The following FGF14 variants were observed in gnomAD, a reference collection of about 807,000 sequenced individuals.
FGF14 encodes fibroblast growth factor homologous factor 4.
Under a neutral mutation model 25.5 loss-of-function variants are expected in FGF14, and 5 were observed. The observed-to-expected ratio is 0.20, with a 90% CI of 0.10 to 0.41. The LOEUF (loss-of-function observed/expected upper bound fraction) is 0.41, where lower values mean the gene tolerates loss of function less well. Ranked by LOEUF, FGF14 falls within the 10% of genes least tolerant of loss-of-function variation. The pLI is 1.00. For missense variants in FGF14, 222 were observed against 320.1 expected, an observed-to-expected ratio of 0.69 and a Z score of 2.34; for synonymous variants, 138 against 118.3, an observed-to-expected ratio of 1.17 and a Z score of -1.08.
intron 1 of FGF14, among the ~76,000 whole-genome samples, chr13:102,029,127 T>G (rs1022498825): frequency 3.3e-5 from 5 of 152,046 alleles, no homozygotes; most frequent in African/African-American, 1.2e-4. Context: ...CAAAATCAAC[T>G]AACGAGCACT....
chr13:102,387,499 T>C (rs1173218706), intron 1 of FGF14, among the ~76,000 whole-genome samples: 1 of 152,198 alleles, frequency 6.6e-6, no homozygotes, highest in Admixed American at 6.5e-5. Flanking sequence ...AAAAAGTCCT[T>C]ATATCCAAAT....
intron 3 of FGF14, among the ~76,000 whole-genome samples, chr13:101,793,306 T>C (rs1337835889): frequency 6.6e-6 from 1 of 152,136 alleles, no homozygotes. Flanking sequence ...AAAGGAAAAC[T>C]TTTCTGTATG....
At chr13:101,864,379 C>T (rs951647798) in intron 3 of FGF14, among the ~76,000 whole-genome samples, 3 of 152,240 alleles carry the variant, frequency 2.0e-5, no homozygotes, top group Middle Eastern at 3.4e-3. Context: ...ACGTTATCAC[C>T]GTCTCCCCCA....
chr13:101,890,578 C>T (rs1262046365), intron 1 of FGF14, among the ~76,000 whole-genome samples: 2 of 152,100 alleles, frequency 1.3e-5, no homozygotes, highest in Admixed American at 6.6e-5. Context: ...TAGGTTACAA[C>T]AATATGGGGT....
chr13:101,759,919 A>G (rs944900166), intron 3 of FGF14, among the ~76,000 whole-genome samples: 1 of 152,186 alleles, frequency 6.6e-6, no homozygotes, highest in African/African-American at 2.4e-5. Context: ...CTCTTCTTAT[A>G]AGCTAAACTT....
chr13:102,192,299 C>A (rs939185598), intron 1 of FGF14, among the ~76,000 whole-genome samples: 3 of 152,096 alleles, frequency 2.0e-5, no homozygotes, highest in African/African-American at 2.4e-5. Flanking sequence ...TGTTTCTGAC[C>A]CCTTAGTTCA....
chr13:102,044,537 T>TAA (rs5806265), intron 1 of FGF14, among the ~76,000 whole-genome samples: 9 of 149,870 alleles, frequency 6.0e-5, no homozygotes, highest in East Asian at 2.0e-4. Flanking sequence ...TCCTCTTTCG[T>TAA]AAAAAAAAAA....
At chr13:102,160,056 G>A (rs1333084356) in intron 1 of FGF14, among the ~76,000 whole-genome samples, 1 of 152,078 alleles carries the variant, frequency 6.6e-6, no homozygotes, top group Non-Finnish European at 1.5e-5. Flanking sequence ...TCTCCTCTCT[G>A]CACGGAATGC....
intron 1 of FGF14, among the ~76,000 whole-genome samples, chr13:102,096,695 C>T (rs1380375220): frequency 2.0e-5 from 3 of 152,124 alleles, no homozygotes; most frequent in Admixed American, 1.3e-4. Context: ...AGGATTTCAA[C>T]CCACAGCTAT....
chr13:101,966,984 A>C lies in FGF14; in HGVS notation c.209-91688T>G, dbSNP rs543170879. Among the ~76,000 whole-genome samples the C allele has an allele frequency of 4.6e-5, 7 of 152,308 alleles. No homozygotes were observed. The East Asian group carries it at 1.4e-3, about 29-fold the overall frequency. On this transcript the variant is annotated intron_variant, in intron 1 of 4. Transcript: ENST00000376131. ...GAATTTGGTTTGTCAGTTTAAACTG[A>C]TATCAGCAGTTACCTAAACCAAGTT...
At chr13:101,853,194 C>T (rs1186990489) in intron 3 of FGF14, among the ~76,000 whole-genome samples, 5 of 151,932 alleles carry the variant, frequency 3.3e-5, no homozygotes, top group Non-Finnish European at 1.5e-5. Flanking sequence ...CCAATCTTGG[C>T]CCGCCACCTT....
intron 3 of FGF14, among the ~76,000 whole-genome samples, chr13:101,792,529 C>T (rs116712679): frequency 1.1e-4 from 16 of 152,088 alleles, no homozygotes; most frequent in Non-Finnish European, 1.6e-4. Context: ...AGGCCATTTT[C>T]GTGGAGGAAA....
intron 3 of FGF14, among the ~76,000 whole-genome samples, chr13:101,799,417 C>T (rs915674606): frequency 2.6e-5 from 4 of 151,972 alleles, no homozygotes; most frequent in Non-Finnish European, 2.9e-5. Flanking sequence ...CAGAGGGGAG[C>T]CTGCAAGCAG....
chr13:102,104,763 A>G (rs924451796), intron 1 of FGF14, among the ~76,000 whole-genome samples: 4 of 152,094 alleles, frequency 2.6e-5, no homozygotes, highest in Non-Finnish European at 1.5e-5. Context: ...TCCAGCCTGG[A>G]CAACAGAACG....
At chr13:101,962,763 G>A (rs540920036) in intron 1 of FGF14, among the ~76,000 whole-genome samples, 8 of 152,186 alleles carry the variant, frequency 5.3e-5, no homozygotes, top group African/African-American at 1.9e-4. Flanking sequence ...TACATGTATT[G>A]TTTGGAGACT....
intron 1 of FGF14, among the ~76,000 whole-genome samples, chr13:102,198,293 C>T (rs865937396): frequency 6.6e-6 from 1 of 152,138 alleles, no homozygotes; most frequent in African/African-American, 2.4e-5. Context: ...AACTGGAAAA[C>T]GAAGTTAGAC....
At chr13:102,369,010 T>C (rs759368061) in intron 1 of FGF14, among the ~76,000 whole-genome samples, 1 of 152,222 alleles carries the variant, frequency 6.6e-6, no homozygotes, top group Non-Finnish European at 1.5e-5. Context: ...GATTTCATCA[T>C]GAGTATATTA....
intron 1 of FGF14, chr13:102,395,714 G>GTTTTTGTCTGTTT (rs1176945180): frequency 3.3e-5 from 5 of 152,052 alleles, no homozygotes; most frequent in African/African-American, 1.2e-4. Context: ...ACCATGTGTC[G>GTTTTTGTCTGTTT]TGAACAGAGT....
chr13:102,123,135 C>G (rs2045804176), intron 1 of FGF14, among the ~76,000 whole-genome samples: 1 of 152,078 alleles, frequency 6.6e-6, no homozygotes, highest in Non-Finnish European at 1.5e-5. Context: ...GAAGACACCT[C>G]CATGTGAAGT....
Sources: allele counts gnomAD v4.1 joint callset (sites outside exome capture counted in the v4.1 genomes callset), GRCh38; gene constraint gnomAD v4.1.1; transcripts MANE v1.5; gene names NCBI Gene and HGNC (gene_info 2026-07-23, HGNC 2026-07-21).